Variants in HIVEP1 observed in about 807,000 individuals in gnomAD.
The protein encoded by HIVEP1 is zinc finger protein 40.
A neutral mutation model predicts 180.0 loss-of-function variants in HIVEP1; 36 were observed. That is an observed-to-expected ratio of 0.20 (90% CI 0.15 to 0.26). The LOEUF (loss-of-function observed/expected upper bound fraction) is 0.26, where lower values mean the gene tolerates loss of function less well. Among genes scored for constraint, HIVEP1 ranks in the 10% least tolerant of loss-of-function variants. HIVEP1 has a pLI of 1.00. For synonymous variants in HIVEP1, 1,239 were observed against 1,239.0 expected (o/e 1.00, Z 0.00); for missense variants, 3,143 against 3,268.7 (o/e 0.96, Z 0.94).
At chr6:12,032,985 C>G (rs1561870923) in intron 2 of HIVEP1, among the ~76,000 whole-genome samples, 1 of 152,164 alleles carries the variant, frequency 6.6e-6, no homozygotes, top group Non-Finnish European at 1.5e-5. Context: ...GATGATGAAA[C>G]TTCACTGTTA....
chr6:12,118,518 T>C (rs939807929), intron 3 of HIVEP1, among the ~76,000 whole-genome samples: 2 of 152,234 alleles, frequency 1.3e-5, no homozygotes, highest in East Asian at 3.8e-4. Flanking sequence ...CACTGTCACT[T>C]AAATACTGAT....
At chr6:12,041,545 A>T (rs1186577885) in intron 2 of HIVEP1, among the ~76,000 whole-genome samples, 1 of 149,352 alleles carries the variant, frequency 6.7e-6, no homozygotes, top group Non-Finnish European at 1.5e-5. Flanking sequence ...AATTTGGTGT[A>T]GACATCCTTC....
At chr6:12,011,098 C>A (rs932234759), upstream of HIVEP1, among the ~76,000 whole-genome samples, 1 of 152,196 alleles carries the variant, frequency 6.6e-6, no homozygotes, top group Non-Finnish European at 1.5e-5. Flanking sequence ...AATAGAACAT[C>A]CGCCACCAAA....
At chr6:12,031,399 C>G (rs950991970) in intron 2 of HIVEP1, among the ~76,000 whole-genome samples, 1 of 152,194 alleles carries the variant, frequency 6.6e-6, no homozygotes, top group African/African-American at 2.4e-5. Flanking sequence ...GTAAGTGGCT[C>G]ACCTACCAGA....
At chr6:12,209,276 G>C in the HIVEP1 span, among the ~76,000 whole-genome samples, 1 of 152,020 alleles carries the variant, frequency 6.6e-6, no homozygotes, top group Non-Finnish European at 1.5e-5. Flanking sequence ...TACTAAAAAT[G>C]TAAAAAATTA....
downstream of HIVEP1, among the ~76,000 whole-genome samples, chr6:12,167,696 C>CATATATGTGTATA (rs1562023829): frequency 3.1e-4 from 9 of 28,828 alleles, 1 homozygote; most frequent in African/African-American, 1.4e-3. Flanking sequence ...AATATATATA[C>CATATATGTGTATA]ATATATACAT....
chr6:12,083,992 G>C (rs1014389789), intron 2 of HIVEP1, among the ~76,000 whole-genome samples: 1 of 152,124 alleles, frequency 6.6e-6, no homozygotes, highest in Non-Finnish European at 1.5e-5. Context: ...AAATACTGTA[G>C]AATGCCTTCT....
the HIVEP1 span, among the ~76,000 whole-genome samples, chr6:12,193,452 T>C: frequency 2.6e-5 from 4 of 152,242 alleles, no homozygotes; most frequent in Non-Finnish European, 5.9e-5. Flanking sequence ...TTTCTTAAAA[T>C]GTTGTGACAA....
At chr6:12,033,597 C>G (rs1769094994) in intron 2 of HIVEP1, among the ~76,000 whole-genome samples, 1 of 152,040 alleles carries the variant, frequency 6.6e-6, no homozygotes, top group Non-Finnish European at 1.5e-5. Flanking sequence ...TTTAATGTCA[C>G]CTTTAGTTTT....
intron 7 of HIVEP1, among the ~76,000 whole-genome samples, chr6:12,153,998 A>G (rs1248227274): frequency 2.0e-5 from 3 of 152,226 alleles, no homozygotes; most frequent in South Asian, 2.1e-4. Context: ...AAGTGCAAAA[A>G]TTAGCCAGGC....
intron 2 of HIVEP1, among the ~76,000 whole-genome samples, chr6:12,042,586 G>A (rs1173411177): frequency 6.6e-6 from 1 of 151,398 alleles, no homozygotes; most frequent in African/African-American, 2.4e-5. Context: ...TCTATTAGTG[G>A]TGCCTTTATT....
intron 2 of HIVEP1, chr6:12,020,279 C>T (rs1768097824): frequency 2.1e-6 from 1 of 470,618 alleles, no homozygotes; most frequent in Non-Finnish European, 4.4e-6. Flanking sequence ...TGACACCGAC[C>T]TATCCTTTGT....
intron 2 of HIVEP1, among the ~76,000 whole-genome samples, chr6:12,080,473 A>G (rs1772710640): frequency 6.6e-6 from 1 of 152,206 alleles, no homozygotes; most frequent in African/African-American, 2.4e-5. Context: ...TGTATAAATA[A>G]TTAGATATGT....
intron 2 of HIVEP1, among the ~76,000 whole-genome samples, chr6:12,070,277 A>G (rs151054813): frequency 2.0e-5 from 3 of 152,360 alleles, no homozygotes; most frequent in East Asian, 3.9e-4. Flanking sequence ...ACATAATTGC[A>G]TGTTCTGTAT....
At chr6:12,165,000 C>G (rs548122964), downstream of HIVEP1, 1 of 379,966 alleles carries the variant, frequency 2.6e-6, no homozygotes, top group Non-Finnish European at 5.1e-6. Context: ...ACTGACTTTA[C>G]CATTGCTTCA....
At chr6:12,197,833 C>G in the HIVEP1 span, among the ~76,000 whole-genome samples, 1 of 152,066 alleles carries the variant, frequency 6.6e-6, no homozygotes, top group East Asian at 1.9e-4. Flanking sequence ...GTCATAGAAA[C>G]AAAAAGTGGT....
At chr6:12,030,724 A>G (rs145813534) in intron 2 of HIVEP1, among the ~76,000 whole-genome samples, 3,320 of 152,308 alleles carry the variant, frequency 0.022, 53 homozygotes, top group Non-Finnish European at 0.032. Flanking sequence ...TTCTTTGAAC[A>G]TATAATAGCT....
intron 2 of HIVEP1, among the ~76,000 whole-genome samples, chr6:12,050,278 G>A (rs113609860): frequency 0.011 from 1,679 of 152,242 alleles, 34 homozygotes; most frequent in African/African-American, 0.038. Flanking sequence ...TGCCACACAT[G>A]GGCACTGTAA....
chr6:12,042,517 A>G (rs560004759), intron 2 of HIVEP1, among the ~76,000 whole-genome samples: 307 of 150,372 alleles, frequency 2.0e-3, no homozygotes, highest in Non-Finnish European at 2.9e-3. Context: ...ACCCTATCTT[A>G]TGCTTTTATT....
Sources: gnomAD v4.1 joint callset for allele counts (sites outside exome capture counted in the v4.1 genomes callset) on GRCh38, gnomAD v4.1.1 for gene constraint, MANE v1.5 for transcripts, NCBI Gene and HGNC (gene_info 2026-07-23, HGNC 2026-07-21) for gene names.